The following SPACA7 variants were observed in gnomAD, a reference collection of about 807,000 sequenced individuals.
SPACA7 encodes sperm acrosome associated 7.
A neutral mutation model predicts 26.3 loss-of-function variants in SPACA7; 19 were observed. That is an observed-to-expected ratio of 0.72 (90% CI 0.50 to 1.06). SPACA7 has a LOEUF of 1.06. SPACA7 is among the 50% of genes least tolerant of loss of function. The pLI, the probability that SPACA7 is intolerant of heterozygous loss-of-function variation, is 0.00. For synonymous variants in SPACA7, 84 were observed against 84.5 expected, an observed-to-expected ratio of 0.99 and a Z score of 0.04; for missense variants, 211 against 229.9, an observed-to-expected ratio of 0.92 and a Z score of 0.53.
intron 1 of SPACA7, among the ~76,000 whole-genome samples, chr13:112,383,752 G>A (rs1042939359): frequency 2.0e-5 from 3 of 152,130 alleles, no homozygotes; most frequent in Admixed American, 6.5e-5. Context: ...ATTTCCCAAC[G>A]GGCTTTAATT....
intron 2 of SPACA7, among the ~76,000 whole-genome samples, chr13:112,394,039 G>C (rs1040400624): frequency 6.6e-6 from 1 of 151,156 alleles, no homozygotes; most frequent in Non-Finnish European, 1.5e-5. Context: ...TTTATTTCAC[G>C]TGATGATTTC....
chr13:112,431,847 G>A (rs1385582457), intron 5 of SPACA7, among the ~76,000 whole-genome samples: 1 of 152,190 alleles, frequency 6.6e-6, no homozygotes, highest in Non-Finnish European at 1.5e-5. Flanking sequence ...GTTCCAAAGG[G>A]AGCCTCCCAC....
At chr13:112,426,131 T>C (rs1876513281) in intron 5 of SPACA7, among the ~76,000 whole-genome samples, 1 of 152,252 alleles carries the variant, frequency 6.6e-6, no homozygotes, top group South Asian at 2.1e-4. Flanking sequence ...GGTTTGGATT[T>C]TTGCATATTC....
In SPACA7 at chr13:112,432,537, T is replaced by C. The variant is rs1162454452; in HGVS notation, c.523+16T>C. On this transcript the variant is annotated intron_variant, in intron 6 of 6. Transcript: ENST00000283550. Reference sequence around the variant, plus strand: ...AGATCTTCAGGTAGATTGGAAATAATAGATAAGTGTCTTCTCATTTGGGGA... The same window carrying C: ...AGATCTTCAGGTAGATTGGAAATAACAGATAAGTGTCTTCTCATTTGGGGA... 1.3e-6 allele frequency: 2 copies of C among 1,539,194 alleles called. No homozygotes were observed. The highest frequency in any genetic ancestry group is 1.4e-5 in the African/African-American group (1 of 73,502).
rs755276112 is a variant in SPACA7 at position 112,399,078 on chromosome 13, A to T, written c.254A>T (p.Asp85Val). 2 of 1,602,634 alleles carry T rather than the reference A, an allele frequency of 1.2e-6. No homozygotes were observed. Among genetic ancestry groups the T allele is most frequent in the South Asian group, 2.2e-5 (2 of 90,320 alleles). The change falls in exon 4 of 7, where the codon GAT becomes GTT. Residue 85 changes from aspartate (D) to valine (V), a missense_variant. Transcript: ENST00000283550. ...TLSTPLHAGI[D>V]ENYQAGGSEN... ...TTCTTCATTGAAGATGCTGGTATTG[A>T]TGAGAATTATCAAGCTGGTGGTTCT...
At chr13:112,392,231 G>A (rs1403568983) in intron 1 of SPACA7, among the ~76,000 whole-genome samples, 1 of 152,206 alleles carries the variant, frequency 6.6e-6, no homozygotes, top group East Asian at 1.9e-4. Context: ...CTACTGGGAA[G>A]GGGCTAACAA....
At chr13:112,415,158 T>C (rs6577078) in intron 5 of SPACA7, among the ~76,000 whole-genome samples, 54,271 of 152,142 alleles carry the variant, frequency 0.36, 12,108 homozygotes, top group East Asian at 0.63. Flanking sequence ...CACTTCCCTC[T>C]GTTTCCCCAT....
Position 112,434,639 on chromosome 13 carries a change from C to T in SPACA7, c.*90C>T. ...GGAACAGGGCACTTGTGTGCACACG[C>T]CCACGTTCTCTGAACCATTCCACAT... On this transcript the variant is annotated 3_prime_UTR_variant, in exon 7 of 7. Coordinates refer to ENST00000283550, the MANE Select transcript of SPACA7 (RefSeq NM_145248.5). 2.0e-6 allele frequency: 2 copies of T among 1,017,290 alleles called. No individual in the cohort carries two copies. The highest frequency in any genetic ancestry group is 3.0e-6 in the Non-Finnish European group (2 of 666,274). 63.0% of individuals were successfully genotyped at this position (1,017,290 alleles called of 1,614,324 possible).
chr13:112,423,832 CAG>C (rs1876251647), intron 5 of SPACA7, among the ~76,000 whole-genome samples: 1 of 152,170 alleles, frequency 6.6e-6, no homozygotes, highest in Non-Finnish European at 1.5e-5. Flanking sequence ...ATTTCTAAAA[CAG>C]AACGATTAGA....
chr13:112,380,931 A>G (rs77729151), intron 1 of SPACA7, among the ~76,000 whole-genome samples: 1,653 of 152,328 alleles, frequency 0.011, 12 homozygotes, highest in South Asian at 0.043. Flanking sequence ...CAAAGTAGCA[A>G]ATTGTATGAC....
intron 1 of SPACA7, among the ~76,000 whole-genome samples, chr13:112,382,020 A>G (rs149550441): frequency 1.3e-4 from 20 of 152,332 alleles, no homozygotes; most frequent in African/African-American, 4.3e-4. Context: ...GACCCCAGGC[A>G]AGAAGGAGGA....
At chr13:112,387,392 T>C (rs1044991289) in intron 1 of SPACA7, among the ~76,000 whole-genome samples, 2 of 152,220 alleles carry the variant, frequency 1.3e-5, no homozygotes, top group African/African-American at 4.8e-5. Context: ...AAAGCAGGCT[T>C]GAAAGTGAGT....
chr13:112,398,969 C>A, intron 3 of SPACA7, 97 bp from the exon 4 acceptor site: 1 of 743,282 alleles, frequency 1.3e-6, no homozygotes, highest in South Asian at 1.6e-5. Flanking sequence ...ATTAACATCC[C>A]AACCTTATAT....
chr13:112,407,656 A>C (rs1314626325), intron 5 of SPACA7, among the ~76,000 whole-genome samples: 1 of 152,202 alleles, frequency 6.6e-6, no homozygotes, highest in East Asian at 1.9e-4. Context: ...CACCCTCCCA[A>C]GACTAAACCA....
chr13:112,411,658 T>C (rs1352945609), intron 5 of SPACA7, among the ~76,000 whole-genome samples: 2 of 152,174 alleles, frequency 1.3e-5, no homozygotes, highest in Non-Finnish European at 2.9e-5. Flanking sequence ...GAGATCATTT[T>C]TTTTAGCTCC....
chr13:112,434,380 G>A (rs1877526527), intron 6 of SPACA7, 105 bp from the exon 7 acceptor site: 1 of 938,880 alleles, frequency 1.1e-6, no homozygotes, highest in South Asian at 1.5e-5. Context: ...CTCCACAACT[G>A]AGGGCTTGGT....
At chr13:112,404,531 G>C (rs1885850830) in intron 5 of SPACA7, among the ~76,000 whole-genome samples, 3 of 152,196 alleles carry the variant, frequency 2.0e-5, no homozygotes, top group African/African-American at 7.2e-5. Flanking sequence ...TTATCTTCTA[G>C]AATTGGTATG....
chr13:112,390,746 G>A (rs941588807), intron 1 of SPACA7, among the ~76,000 whole-genome samples: 6 of 152,206 alleles, frequency 3.9e-5, no homozygotes, highest in African/African-American at 1.4e-4. Context: ...ACTATCACGA[G>A]AACAGCAAGG....
At chr13:112,433,366 C>T (rs1877374640) in intron 6 of SPACA7, among the ~76,000 whole-genome samples, 1 of 149,008 alleles carries the variant, frequency 6.7e-6, no homozygotes, top group South Asian at 2.2e-4. Flanking sequence ...ACTGGTGCTT[C>T]CCAAGCACCC....
Sources: gnomAD v4.1 joint callset for allele counts (sites outside exome capture counted in the v4.1 genomes callset) on GRCh38, gnomAD v4.1.1 for gene constraint, MANE v1.5 for transcripts, NCBI Gene and HGNC (gene_info 2026-07-23, HGNC 2026-07-21) for gene names.